The following ATP8A2 variants were observed in gnomAD, a reference collection of about 807,000 sequenced individuals.
ATP8A2 encodes the protein phospholipid-transporting ATPase IB.
A neutral mutation model predicts 165.6 loss-of-function variants in ATP8A2; 100 were observed. The observed-to-expected ratio is 0.60, with a 90% CI of 0.51 to 0.71. The LOEUF (loss-of-function observed/expected upper bound fraction) is 0.71, where lower values mean the gene tolerates loss of function less well. ATP8A2 is among the 30% of genes least tolerant of loss of function. ATP8A2 has a pLI of 0.00. For missense variants in ATP8A2, 1,227 were observed against 1,479.5 expected, an observed-to-expected ratio of 0.83 and a Z score of 2.80; for synonymous variants, 543 against 548.8, an observed-to-expected ratio of 0.99 and a Z score of 0.15.
At chr13:25,925,787 G>A (rs1342848630) in intron 33 of ATP8A2, among the ~76,000 whole-genome samples, 2 of 151,140 alleles carry the variant, frequency 1.3e-5, no homozygotes, top group Non-Finnish European at 2.9e-5. Context: ...GAGTGCAATG[G>A]CATGATCTCG....
chr13:25,882,934 GA>G (rs1566233952), intron 33 of ATP8A2, among the ~76,000 whole-genome samples: 1 of 151,564 alleles, frequency 6.6e-6, no homozygotes, highest in Admixed American at 6.6e-5. Flanking sequence ...TGATGATGAT[GA>G]TGATGGTGAT....
chr13:25,731,700 T>TA (rs953568926), intron 25 of ATP8A2, among the ~76,000 whole-genome samples: 1 of 152,216 alleles, frequency 6.6e-6, no homozygotes, highest in Admixed American at 6.5e-5. Flanking sequence ...CCCTCTTGGT[T>TA]AAAAAAATAA....
chr13:25,790,628 G>A (rs1470408997), intron 27 of ATP8A2, among the ~76,000 whole-genome samples: 1 of 151,410 alleles, frequency 6.6e-6, no homozygotes, highest in Non-Finnish European at 1.5e-5. Context: ...CTGAGAGGTT[G>A]AGGTGTGGTG....
At chr13:25,582,288 A>T (rs7983699) in intron 23 of ATP8A2, among the ~76,000 whole-genome samples, 13,852 of 152,266 alleles carry the variant, frequency 0.091, 778 homozygotes, top group African/African-American at 0.14. Flanking sequence ...AGGTTTAAAT[A>T]TGCGTTATTA....
At chr13:25,938,398 GA>G (rs1954977051) in intron 33 of ATP8A2, among the ~76,000 whole-genome samples, 1 of 152,128 alleles carries the variant, frequency 6.6e-6, no homozygotes, top group Admixed American at 6.5e-5. Flanking sequence ...ATAAAACGTT[GA>G]AGTCTGAAAA....
intron 2 of ATP8A2, among the ~76,000 whole-genome samples, chr13:25,484,408 CTGCTT>C (rs2137602411): frequency 6.6e-6 from 1 of 152,182 alleles, no homozygotes; most frequent in East Asian, 1.9e-4. Context: ...CTGTGGGGCT[CTGCTT>C]TGAATATCTC....
intron 18 of ATP8A2, among the ~76,000 whole-genome samples, chr13:25,574,199 A>G (rs1455669715): frequency 6.6e-6 from 1 of 152,232 alleles, no homozygotes; most frequent in Non-Finnish European, 1.5e-5. Context: ...CCCAAAGAAA[A>G]AGAGCGTTTG....
intron 4 of ATP8A2, among the ~76,000 whole-genome samples, chr13:25,531,298 GTTATATATGATATATATGTTATATATGAT>G (rs1566229477): frequency 0.042 from 4,542 of 108,714 alleles, 322 homozygotes; most frequent in South Asian, 0.1. Flanking sequence ...TGATATATAT[GTTATATATGATATATATGTTATATATGAT>G]ATATATATGT....
chr13:25,425,866 G>A (rs1007419028), intron 1 of ATP8A2, among the ~76,000 whole-genome samples: 4 of 152,180 alleles, frequency 2.6e-5, no homozygotes, highest in Non-Finnish European at 4.4e-5. Context: ...GTGAGCCACT[G>A]CGCCCGGCCA....
chr13:25,960,079 T>C (rs1392430470), intron 33 of ATP8A2, among the ~76,000 whole-genome samples: 1 of 152,222 alleles, frequency 6.6e-6, no homozygotes, highest in Non-Finnish European at 1.5e-5. Flanking sequence ...CCAACAGGGC[T>C]ATGGGAAGGG....
chr13:25,835,756 C>T (rs561374525), intron 28 of ATP8A2, among the ~76,000 whole-genome samples: 1 of 152,144 alleles, frequency 6.6e-6, no homozygotes, highest in African/African-American at 2.4e-5. Flanking sequence ...TCTTGCAAGG[C>T]ACCATCTGCC....
At chr13:25,875,780 T>C (rs1373715944) in intron 33 of ATP8A2, among the ~76,000 whole-genome samples, 5 of 152,252 alleles carry the variant, frequency 3.3e-5, no homozygotes, top group African/African-American at 9.6e-5. Flanking sequence ...ATAGTCACAC[T>C]TAATTACTTC....
At chr13:25,941,033 C>A (rs1955055705) in intron 33 of ATP8A2, among the ~76,000 whole-genome samples, 1 of 152,210 alleles carries the variant, frequency 6.6e-6, no homozygotes, top group Non-Finnish European at 1.5e-5. Context: ...ATGGATCCAT[C>A]TTTGTGGAGC....
intron 22 of ATP8A2, among the ~76,000 whole-genome samples, chr13:25,580,482 C>T (rs181829993): frequency 1.3e-5 from 2 of 152,126 alleles, no homozygotes; most frequent in East Asian, 3.9e-4. Flanking sequence ...CTTTTTCTGT[C>T]TCATGTTGGC....
chr13:25,738,348 C>T (rs757447072), intron 25 of ATP8A2, among the ~76,000 whole-genome samples: 3 of 108,884 alleles, frequency 2.8e-5, no homozygotes, highest in Admixed American at 9.6e-5. Context: ...CCTCCCCCCC[C>T]CCCACACACA....
chr13:25,674,301 C>T (rs1175818831), intron 24 of ATP8A2, among the ~76,000 whole-genome samples: 1 of 150,976 alleles, frequency 6.6e-6, no homozygotes, highest in Admixed American at 6.7e-5. Flanking sequence ...GGACCTTTGG[C>T]TCTTTTAGCT....
chr13:25,785,638 C>T (rs2045005336), intron 27 of ATP8A2, among the ~76,000 whole-genome samples: 2 of 152,136 alleles, frequency 1.3e-5, no homozygotes, highest in Non-Finnish European at 2.9e-5. Context: ...ACTTCTGTGA[C>T]AATGTCTGAG....
At chr13:25,850,928 TGAAAC>T (rs1264792493) in intron 30 of ATP8A2, among the ~76,000 whole-genome samples, 1 of 152,290 alleles carries the variant, frequency 6.6e-6, no homozygotes, top group African/African-American at 2.4e-5. Context: ...CTAAAACTGT[TGAAAC>T]AGAACCATCT....
At chr13:25,718,080 C>A (rs550753357) in intron 25 of ATP8A2, among the ~76,000 whole-genome samples, 1 of 152,236 alleles carries the variant, frequency 6.6e-6, no homozygotes, top group South Asian at 2.1e-4. Flanking sequence ...AATTATGTCC[C>A]ATGCACCCCA....
Sources: gnomAD v4.1 joint callset for allele counts (sites outside exome capture counted in the v4.1 genomes callset) on GRCh38, gnomAD v4.1.1 for gene constraint, MANE v1.5 for transcripts, NCBI Gene and HGNC (gene_info 2026-07-23, HGNC 2026-07-21) for gene names.